Variants in BRAF observed in about 807,000 individuals in gnomAD.
BRAF encodes the protein serine/threonine-protein kinase B-raf.
Under a neutral mutation model 104.6 loss-of-function variants are expected in BRAF, and 16 were observed. The ratio of observed to expected loss-of-function variants is 0.15; its 90% CI spans 0.10 to 0.23. BRAF has a LOEUF of 0.23. Among genes scored for constraint, BRAF ranks in the 10% least tolerant of loss-of-function variants. BRAF has a pLI of 1.00. For missense variants in BRAF, 541 were observed against 937.3 expected (o/e 0.58, Z 5.52); for synonymous variants, 310 against 341.6 (o/e 0.91, Z 1.02).
At chr7:140,881,294 G>C (rs1812877767) in intron 1 of BRAF, among the ~76,000 whole-genome samples, 1 of 152,208 alleles carries the variant, frequency 6.6e-6, no homozygotes, top group South Asian at 2.1e-4. Context: ...CCTCTAGTAA[G>C]AGTCAGCCTG....
chr7:140,713,903 G>A, the BRAF span, among the ~76,000 whole-genome samples: 1 of 152,208 alleles, frequency 6.6e-6, no homozygotes, highest in African/African-American at 2.4e-5. Flanking sequence ...GGTATCAGCA[G>A]CGGTGGCTGC....
intron 3 of BRAF, among the ~76,000 whole-genome samples, chr7:140,818,317 T>A (rs1562975340): frequency 1.3e-5 from 2 of 151,192 alleles, no homozygotes; most frequent in Non-Finnish European, 3.0e-5. Flanking sequence ...TATTTTAATT[T>A]TTTTTTTTTT....
intron 18 of BRAF, 62 bp downstream of exon 17, chr7:140,739,750 G>C (rs886766660): frequency 1.6e-4 from 251 of 1,596,180 alleles, no homozygotes; most frequent in Non-Finnish European, 2.1e-4. Flanking sequence ...CCAAAAAAGT[G>C]CTCAGAAATC....
intron 1 of BRAF, among the ~76,000 whole-genome samples, chr7:140,884,427 A>ATGTGTG (rs1491354147): frequency 1.7e-3 from 200 of 114,650 alleles, no homozygotes; most frequent in African/African-American, 6.0e-3. Context: ...TATATATAAG[A>ATGTGTG]TATGTGTGTG....
At chr7:140,796,208 G>T (rs900707441) in intron 7 of BRAF, among the ~76,000 whole-genome samples, 1 of 151,996 alleles carries the variant, frequency 6.6e-6, no homozygotes, top group Non-Finnish European at 1.5e-5. Context: ...AAAATTAGCT[G>T]GGTGTGGTGT....
chr7:140,875,351 T>C (rs1052603253), intron 1 of BRAF, among the ~76,000 whole-genome samples: 3 of 152,140 alleles, frequency 2.0e-5, no homozygotes, highest in African/African-American at 4.8e-5. Context: ...TCACACATCA[T>C]AAAGTGTTGA....
At chr7:140,862,451 AAT>A (rs1810521019) in intron 1 of BRAF, among the ~76,000 whole-genome samples, 2 of 152,196 alleles carry the variant, frequency 1.3e-5, no homozygotes, top group South Asian at 4.1e-4. Flanking sequence ...AAATAGAATA[AAT>A]AAAGATTATG....
Position 140,749,232 on chromosome 7 carries a change from C to T in BRAF, c.2112+55G>A, listed in dbSNP as rs189907445. ...AGGAGTTAACACTTATTTTCTACAA[C>T]TGGAGCCTTGTATATAGACGGTAAA... On this transcript the variant is annotated intron_variant, in intron 17 of 19. Transcript: ENST00000644969. 1.3e-4 allele frequency: 213 copies of T among 1,605,670 alleles called. 2 individuals are homozygous for T. The South Asian group carries it at 1.5e-3, about 11-fold the overall frequency.
intron 2 of BRAF, among the ~76,000 whole-genome samples, chr7:140,837,567 T>C (rs1807478323): frequency 6.6e-6 from 1 of 152,232 alleles, no homozygotes; most frequent in East Asian, 1.9e-4. Context: ...AGTCTGACCA[T>C]TCAATTGTTC....
chr7:140,909,227 A>T (rs532529114), intron 1 of BRAF, among the ~76,000 whole-genome samples: 1 of 152,120 alleles, frequency 6.6e-6, no homozygotes, highest in South Asian at 2.1e-4. Context: ...GGAGTTCAAG[A>T]CAAGCCTGAC....
At chr7:140,756,579 A>T (rs775897521) in intron 14 of BRAF, among the ~76,000 whole-genome samples, 13 of 152,176 alleles carry the variant, frequency 8.5e-5, no homozygotes, top group Non-Finnish European at 1.6e-4. Flanking sequence ...GAAAACAAAT[A>T]ACTCACATAA....
intron 1 of BRAF, among the ~76,000 whole-genome samples, chr7:140,897,684 G>A (rs372270586): frequency 1.1e-4 from 16 of 151,428 alleles, no homozygotes; most frequent in African/African-American, 3.6e-4. Flanking sequence ...TAGTAGAGAT[G>A]GGGTTTCACC....
intron 14 of BRAF, among the ~76,000 whole-genome samples, chr7:140,756,339 C>A (rs1390996598): frequency 1.3e-5 from 2 of 152,008 alleles, no homozygotes; most frequent in African/African-American, 4.8e-5. Context: ...ACAAAAGCAG[C>A]AAAGAGTAGA....
chr7:140,795,077 A>G (rs28446531), intron 7 of BRAF, among the ~76,000 whole-genome samples: 4,354 of 152,304 alleles, frequency 0.029, 214 homozygotes, highest in African/African-American at 0.097. Flanking sequence ...ACAGAGACAC[A>G]AGAGAATCAT....
chr7:140,722,516 G>C lies in BRAF; in HGVS notation c.*3978C>G. 2 of 1,056,726 alleles carry C rather than the reference G, an allele frequency of 1.9e-6. No individual in the cohort carries two copies. The highest frequency in any genetic ancestry group is 2.3e-6 in the Non-Finnish European group (2 of 873,946). 65.5% of individuals were successfully genotyped at this position (1,056,726 alleles called of 1,614,324 possible). A position where few individuals can be genotyped will look rare whatever the true frequency, so the allele number is the denominator to read the frequency against. On this transcript the variant is annotated 3_prime_UTR_variant, in exon 20 of 20. Transcript: ENST00000644969. ...TCAACTCATGACCTGTAAGCTATTTGCTGTTCATACTCACAGTAAACCTTC... is the reference window on the plus strand; with the variant it reads ...TCAACTCATGACCTGTAAGCTATTTCCTGTTCATACTCACAGTAAACCTTC...
intron 7 of BRAF, among the ~76,000 whole-genome samples, 187 bp from the exon 8 acceptor site, chr7:140,794,654 C>T (rs1428558451): frequency 1.3e-5 from 2 of 152,110 alleles, no homozygotes; most frequent in African/African-American, 4.8e-5. Context: ...AGCTGCTTTG[C>T]TCAAGTAGGC....
At chr7:140,907,557 A>G (rs943625672) in intron 1 of BRAF, among the ~76,000 whole-genome samples, 15 of 150,110 alleles carry the variant, frequency 1.0e-4, no homozygotes, top group African/African-American at 3.7e-4. Context: ...CACCGTGCCC[A>G]GCCATTTTTT....
intron 1 of BRAF, among the ~76,000 whole-genome samples, chr7:140,892,977 T>C (rs1814428516): frequency 6.6e-6 from 1 of 152,102 alleles, no homozygotes; most frequent in African/African-American, 2.4e-5. Flanking sequence ...GCAGAACAAA[T>C]TAAAAATCAA....
At chr7:140,915,489 CA>C (rs1328066391) in intron 1 of BRAF, among the ~76,000 whole-genome samples, 1 of 150,028 alleles carries the variant, frequency 6.7e-6, no homozygotes, top group Non-Finnish European at 1.5e-5. Context: ...GGCTGGAGTG[CA>C]ATGGCGCAAT....
Sources: gnomAD v4.1 joint callset for allele counts (sites outside exome capture counted in the v4.1 genomes callset) on GRCh38, gnomAD v4.1.1 for gene constraint, MANE v1.5 for transcripts, NCBI Gene and HGNC (gene_info 2026-07-23, HGNC 2026-07-21) for gene names.